Variants in AK4 observed in about 807,000 individuals in gnomAD.
AK4 encodes the protein adenylate kinase 4, mitochondrial.
A neutral mutation model predicts 24.6 loss-of-function variants in AK4; 13 were observed. That is an observed-to-expected ratio of 0.53 (90% confidence interval 0.34 to 0.84). AK4 has a LOEUF of 0.84. Among genes scored for constraint, AK4 ranks in the 40% least tolerant of loss-of-function variants. AK4 has a pLI of 0.01. For synonymous variants in AK4, 88 were observed against 107.0 expected, an observed-to-expected ratio of 0.82 and a Z score of 1.10; for missense variants, 192 against 288.2, an observed-to-expected ratio of 0.67 and a Z score of 2.42.
At chr1:65,184,311 T>C (rs1651014858) in intron 1 of AK4, among the ~76,000 whole-genome samples, 1 of 152,204 alleles carries the variant, frequency 6.6e-6, no homozygotes, top group African/African-American at 2.4e-5. Context: ...TTGTTATATA[T>C]AATGTTTGGA....
chr1:65,179,687 T>A (rs1009591225), intron 1 of AK4, among the ~76,000 whole-genome samples: 1 of 151,952 alleles, frequency 6.6e-6, no homozygotes, highest in African/African-American at 2.4e-5. Context: ...AAAGAAAAAT[T>A]AGCCAGGCAT....
intron 2 of AK4, among the ~76,000 whole-genome samples, chr1:65,218,160 G>T (rs763149975): frequency 2.6e-5 from 4 of 152,104 alleles, no homozygotes; most frequent in Admixed American, 6.5e-5. Flanking sequence ...CTGGATGGAG[G>T]ATCATACTTT....
rs192179573 is a variant in AK4 at position 65,215,950 on chromosome 1, A to G, written c.266-2804A>G. On this transcript the variant is annotated intron_variant, in intron 2 of 4. Transcript: ENST00000327299. ...CCGATATAAAGACTGTTTTCTTGTC[A>G]AGGTCACAGTTAGTGATGCTAGAAC... Among the ~76,000 whole-genome samples the G allele has an allele frequency of 2.9e-3, 436 of 152,266 alleles. 5 individuals are homozygous for G. The highest frequency in any genetic ancestry group is 0.025 in the Admixed American group (379 of 15,282).
intron 2 of AK4, among the ~76,000 whole-genome samples, chr1:65,213,557 A>C (rs1420745462): frequency 6.6e-6 from 1 of 152,180 alleles, no homozygotes; most frequent in Non-Finnish European, 1.5e-5. Flanking sequence ...TTTTTATTGA[A>C]TTGGGAAATG....
At chr1:65,181,188 C>A (rs758444379) in intron 1 of AK4, among the ~76,000 whole-genome samples, 1 of 150,728 alleles carries the variant, frequency 6.6e-6, no homozygotes, top group African/African-American at 2.4e-5. Flanking sequence ...AATTTTGTAT[C>A]TCCCACCCAG....
Position 65,226,106 on chromosome 1 carries a change from A to T in AK4, c.601A>T (p.Lys201Ter). 1 of 1,611,718 alleles carries T rather than the reference A, an allele frequency of 6.2e-7. No individual in the cohort carries two copies. Among genetic ancestry groups the T allele is most frequent in the South Asian group, 1.1e-5 (1 of 90,866 alleles). ...LHQFSGTETN[K>*]IWPYVYTLFS... ...CCAATTTTCCGGAACGGAGACGAAC[A>T]AAATCTGGCCCTACGTTTACACACT... Residue 201 changes from lysine to a stop codon, truncating the protein, a stop_gained, in exon 5 of 5, where the codon AAA becomes TAA. Transcript: ENST00000327299. LOFTEE classifies it high-confidence loss of function.
chr1:65,152,703 C>T (rs1649841096), intron 1 of AK4, among the ~76,000 whole-genome samples: 1 of 151,876 alleles, frequency 6.6e-6, no homozygotes, highest in Non-Finnish European at 1.5e-5. Flanking sequence ...CTGGCCTCTG[C>T]TTCTCAATAT....
intron 1 of AK4, among the ~76,000 whole-genome samples, chr1:65,186,937 G>A (rs1168961845): frequency 1.3e-5 from 2 of 152,192 alleles, no homozygotes; most frequent in Admixed American, 1.3e-4. Context: ...TGAATAAAAT[G>A]TGGCATAACC....
chr1:65,213,023 C>T (rs1652019377), intron 2 of AK4, among the ~76,000 whole-genome samples: 1 of 152,210 alleles, frequency 6.6e-6, no homozygotes, highest in South Asian at 2.1e-4. Flanking sequence ...GCACAGTTGT[C>T]TTGTCTTTGT....
chr1:65,173,239 C>T (rs1412011907), intron 1 of AK4, among the ~76,000 whole-genome samples: 1 of 152,100 alleles, frequency 6.6e-6, no homozygotes, highest in Non-Finnish European at 1.5e-5. Flanking sequence ...GTAGTGGCTG[C>T]ACCATGTTGG....
chr1:65,162,987 A>G (rs1490797613), intron 1 of AK4, among the ~76,000 whole-genome samples: 1 of 152,176 alleles, frequency 6.6e-6, no homozygotes, highest in Non-Finnish European at 1.5e-5. Context: ...TTATTGCCAA[A>G]TAATTTATTG....
At chr1:65,198,698 G>A (rs529535251) in intron 2 of AK4, among the ~76,000 whole-genome samples, 4 of 151,750 alleles carry the variant, frequency 2.6e-5, no homozygotes, top group Non-Finnish European at 5.9e-5. Flanking sequence ...TAGTCTTAGC[G>A]CTACATTTTT....
At chr1:65,156,938 A>G (rs991847298) in intron 1 of AK4, among the ~76,000 whole-genome samples, 1 of 151,888 alleles carries the variant, frequency 6.6e-6, no homozygotes, top group Non-Finnish European at 1.5e-5. Flanking sequence ...AAAAAAAAAA[A>G]AAGAAAGAAA....
At chr1:65,175,263 C>T (rs1037889474) in intron 1 of AK4, among the ~76,000 whole-genome samples, 1 of 152,192 alleles carries the variant, frequency 6.6e-6, no homozygotes, top group African/African-American at 2.4e-5. Context: ...CATCAGCTCT[C>T]CCTGTTCCCG....
At chr1:65,160,035 C>T (rs1650107950) in intron 1 of AK4, among the ~76,000 whole-genome samples, 1 of 150,822 alleles carries the variant, frequency 6.6e-6, no homozygotes, top group African/African-American at 2.4e-5. Flanking sequence ...AGTAACTTGT[C>T]CTAAGTCAAA....
intron 1 of AK4, among the ~76,000 whole-genome samples, chr1:65,177,773 C>T (rs888192600): frequency 4.6e-5 from 7 of 152,124 alleles, no homozygotes; most frequent in African/African-American, 1.4e-4. Flanking sequence ...AATGATCTTT[C>T]TGCACCAATT....
chr1:65,183,664 TG>T (rs1650988880), intron 1 of AK4, among the ~76,000 whole-genome samples: 1 of 150,838 alleles, frequency 6.6e-6, no homozygotes, highest in Non-Finnish European at 1.5e-5. Flanking sequence ...TGTGTGTGTG[TG>T]TGTGTGTGTG....
chr1:65,204,222 A>G (rs1315198812), intron 2 of AK4, among the ~76,000 whole-genome samples: 1 of 149,482 alleles, frequency 6.7e-6, no homozygotes, highest in Non-Finnish European at 1.5e-5. Flanking sequence ...TTTTTTTGAC[A>G]TGGAGTCTCG....
chr1:65,181,815 TGAA>T (rs1386176839), intron 1 of AK4, among the ~76,000 whole-genome samples: 1 of 152,262 alleles, frequency 6.6e-6, no homozygotes, highest in Non-Finnish European at 1.5e-5. Flanking sequence ...CCAAGCAATC[TGAA>T]GAAGATCACA....
Sources: gnomAD v4.1 joint callset for allele counts (sites outside exome capture counted in the v4.1 genomes callset) on GRCh38, gnomAD v4.1.1 for gene constraint, MANE v1.5 for transcripts, NCBI Gene and HGNC (gene_info 2026-07-23, HGNC 2026-07-21) for gene names.